The following DACH2 variants were observed in gnomAD, a reference collection of about 807,000 sequenced individuals.
DACH2 encodes dachshund family transcription factor 2.
DACH2 carries 17 observed loss-of-function variants against 35.8 expected under a neutral mutation model. That is an observed-to-expected ratio of 0.48 (90% CI 0.33 to 0.71). DACH2 has a LOEUF of 0.71. Ranked by LOEUF, DACH2 falls within the 30% of genes least tolerant of loss-of-function variation. The pLI, the probability that DACH2 is intolerant of heterozygous loss-of-function variation, is 0.02. For missense variants in DACH2, 469 were observed against 472.7 expected (o/e 0.99, Z 0.07); for synonymous variants, 195 against 177.3 (o/e 1.10, Z -0.79).
At chrX:86,827,023 T>C (rs2042568509) in intron 11 of DACH2, among the ~76,000 whole-genome samples, 1 of 112,339 alleles carries the variant, frequency 8.9e-6, no homozygotes, top group Non-Finnish European at 1.9e-5. Context: ...TGAATTCTAC[T>C]AGTTCTCATT....
intron 1 of DACH2, among the ~76,000 whole-genome samples, chrX:86,272,773 T>C (rs1301155426): frequency 8.9e-6 from 1 of 111,851 alleles, no homozygotes; most frequent in African/African-American, 3.2e-5. Context: ...TATAATAAGA[T>C]TAGTTGAAAA....
chrX:86,506,727 G>A (rs900349218), intron 2 of DACH2, among the ~76,000 whole-genome samples: 1 of 111,756 alleles, frequency 8.9e-6, no homozygotes, highest in African/African-American at 3.3e-5. Context: ...TACATGATTA[G>A]ATTGGCTCAC....
intron 4 of DACH2, among the ~76,000 whole-genome samples, chrX:86,673,357 A>AAG (rs1556366612): frequency 8.3e-5 from 9 of 107,786 alleles, no homozygotes; most frequent in African/African-American, 3.1e-4. Context: ...AAAAAAAAAA[A>AAG]AAGAAGAAGA....
chrX:86,469,832 CTGTGTGTGTTTG>C, intron 2 of DACH2, among the ~76,000 whole-genome samples: 2 of 104,623 alleles, frequency 1.9e-5, no homozygotes, highest in Middle Eastern at 1.0e-2. Context: ...ATGTATACGT[CTGTGTGTGTTTG>C]TGTGTGTGTG....
chrX:86,745,688 A>G (rs888561655), intron 7 of DACH2, among the ~76,000 whole-genome samples: 1 of 111,276 alleles, frequency 9.0e-6, no homozygotes, highest in Non-Finnish European at 1.9e-5. Context: ...TCTTGTGAAC[A>G]GTGCTGCAAT....
At chrX:86,423,695 T>G (rs766850366) in intron 2 of DACH2, among the ~76,000 whole-genome samples, 1 of 110,722 alleles carries the variant, frequency 9.0e-6, no homozygotes, top group African/African-American at 3.3e-5. Context: ...TTCCTCTGGT[T>G]GCTTGCACTT....
intron 2 of DACH2, among the ~76,000 whole-genome samples, chrX:86,477,868 TGTA>T (rs1341592107): frequency 9.0e-6 from 1 of 111,114 alleles, no homozygotes; most frequent in African/African-American, 3.3e-5. Flanking sequence ...CCGTTAGGAT[TGTA>T]GATACTATTT....
chrX:86,652,137 C>T (rs937780644), intron 4 of DACH2, among the ~76,000 whole-genome samples: 2 of 111,064 alleles, frequency 1.8e-5, no homozygotes, highest in Non-Finnish European at 3.8e-5. Context: ...CCTGTTGTTC[C>T]CTTTTTTTCT....
intron 7 of DACH2, among the ~76,000 whole-genome samples, chrX:86,803,065 G>A (rs1232844900): frequency 8.9e-6 from 1 of 111,963 alleles, no homozygotes; most frequent in Non-Finnish European, 1.9e-5. Flanking sequence ...GGTGCTTTTT[G>A]TTTGTTTGTA....
intron 2 of DACH2, among the ~76,000 whole-genome samples, chrX:86,413,307 G>A (rs1034390761): frequency 8.9e-6 from 1 of 112,069 alleles, no homozygotes; most frequent in African/African-American, 3.2e-5. Flanking sequence ...GACAGTAAAG[G>A]TATATTGCTG....
intron 1 of DACH2, among the ~76,000 whole-genome samples, chrX:86,215,085 A>G (rs2032538160): frequency 9.0e-6 from 1 of 111,126 alleles, no homozygotes; most frequent in South Asian, 3.8e-4. Flanking sequence ...ACCTGTAATC[A>G]CATTAACTTT....
chrX:86,520,400 T>C (rs1025665722), intron 3 of DACH2, among the ~76,000 whole-genome samples: 1 of 111,715 alleles, frequency 9.0e-6, no homozygotes, highest in Non-Finnish European at 1.9e-5. Flanking sequence ...TGGAGAGTTA[T>C]GTAAAGTTCT....
At chrX:86,757,396 A>G (rs910511595) in intron 7 of DACH2, among the ~76,000 whole-genome samples, 1 of 111,874 alleles carries the variant, frequency 8.9e-6, no homozygotes, top group African/African-American at 3.2e-5. Flanking sequence ...AGAATGAGTT[A>G]GGGAGAATTT....
chrX:86,507,377 T>C (rs1262211681), intron 2 of DACH2, among the ~76,000 whole-genome samples: 1 of 107,350 alleles, frequency 9.3e-6, no homozygotes, highest in Non-Finnish European at 1.9e-5. Flanking sequence ...TGCAATAGTA[T>C]CCTTCTTGCT....
In DACH2 at chrX:86,508,118, G is replaced by C. The variant is rs182728215; in HGVS notation, c.528-6161G>C. ...TAGTGGAATGTGTCCAAATGTGAAT[G>C]TTAATTTCTTATCCATTCATCATAA... On this transcript the variant is annotated intron_variant, in intron 2 of 11. Coordinates refer to ENST00000373125, the MANE Select transcript of DACH2 (RefSeq NM_053281.3). 3.4e-4 allele frequency among the ~76,000 whole-genome samples: 38 copies of C among 111,775 alleles called. 1 individual carries two copies. In the East Asian group the frequency reaches 3.9e-3, roughly 12 times the overall value.
chrX:86,667,666 A>C (rs1399699320), intron 4 of DACH2, among the ~76,000 whole-genome samples: 1 of 111,330 alleles, frequency 9.0e-6, no homozygotes, highest in Non-Finnish European at 1.9e-5. Context: ...AAAAGAGTAA[A>C]AGGATTGATG....
chrX:86,345,544 C>T, intron 1 of DACH2: 1 of 188,404 alleles, frequency 5.3e-6, no homozygotes, highest in South Asian at 7.9e-5. Context: ...CAATGAAGTA[C>T]AGAAAAAGAA....
intron 3 of DACH2, among the ~76,000 whole-genome samples, chrX:86,556,466 T>C (rs780274106): frequency 3.6e-5 from 4 of 109,888 alleles, no homozygotes; most frequent in Admixed American, 9.9e-5. Context: ...TCTTAAATAC[T>C]AGGCCACATT....
intron 3 of DACH2, among the ~76,000 whole-genome samples, chrX:86,534,898 T>TTTTC (rs1209116971): frequency 4.5e-5 from 5 of 111,920 alleles, no homozygotes; most frequent in African/African-American, 1.6e-4. Flanking sequence ...AATTTATATT[T>TTTTC]TTTCAAAATA....
Sources: allele counts gnomAD v4.1 joint callset (sites outside exome capture counted in the v4.1 genomes callset), GRCh38; gene constraint gnomAD v4.1.1; transcripts MANE v1.5; gene names NCBI Gene and HGNC (gene_info 2026-07-23, HGNC 2026-07-21).